The following CORO1C variants were observed in gnomAD, a reference collection of about 807,000 sequenced individuals.
CORO1C encodes coronin-1C.
In CORO1C, 14 loss-of-function variants were observed where a neutral mutation model predicts 51.2. The ratio of observed to expected loss-of-function variants is 0.27; its 90% CI spans 0.18 to 0.43. The LOEUF is 0.43. CORO1C is among the 20% of genes least tolerant of loss of function. CORO1C has a pLI of 1.00. For missense variants in CORO1C, 417 were observed against 607.8 expected, an observed-to-expected ratio of 0.69 and a Z score of 3.30; for synonymous variants, 181 against 210.5, an observed-to-expected ratio of 0.86 and a Z score of 1.21.
chr12:108,681,661 AAG>A (rs1190390076), intron 2 of CORO1C, among the ~76,000 whole-genome samples: 1 of 152,222 alleles, frequency 6.6e-6, no homozygotes, highest in African/African-American at 2.4e-5. Flanking sequence ...TGCAGACAAA[AAG>A]AGACAGAATT....
Position 108,648,838 on chromosome 12 carries a change from G to A in CORO1C, c.1072C>T (p.Gln358Ter). 6.2e-7 allele frequency: 1 copy of A among 1,614,160 alleles called. No individual in the cohort carries two copies. The highest frequency in any genetic ancestry group is 8.5e-7 in the Non-Finnish European group (1 of 1,180,030). ...GCTGTGTCAGGATACAGGTCATCTT[G>A]GAAAAGGTCAGACTACAAGAGACAT... is the stretch of plus-strand genomic sequence containing the variant. ...MTVPRKSDLF[Q>*]DDLYPDTAGP... Residue 358 changes from glutamine (Q) to a stop codon, truncating the protein, a stop_gained, in exon 10 of 11, where the codon CAA (glutamine) becomes TAA (stop). Transcript: ENST00000261401. LOFTEE classifies it high-confidence loss of function.
At chr12:108,692,645 C>A (rs1391428645) in intron 2 of CORO1C, among the ~76,000 whole-genome samples, 3 of 152,228 alleles carry the variant, frequency 2.0e-5, no homozygotes, top group Admixed American at 2.0e-4. Context: ...TGTGTCCTCA[C>A]AAGGCATGGT....
Position 108,657,338 on chromosome 12 carries a change from C to T in CORO1C, c.716G>A (p.Arg239His), listed in dbSNP as rs750447950. 6.2e-6 allele frequency: 10 copies of T among 1,613,818 alleles called. No individual in the cohort carries two copies. The highest frequency in any genetic ancestry group is 1.3e-5 in the African/African-American group (1 of 74,924). ...DGNVFTTGFS[R>H]MSERQLALWN... is the part of the protein sequence containing the mutation. ...GAGAGCCAGCTGCCGCTCGCTCATG[C>T]GGCTGAACCCAGTGGTGAAGACATT... The change falls in exon 6 of 11, where the codon CGC becomes CAC. Residue 239 changes from arginine to histidine, a missense_variant. By Grantham distance (29) the Arg-to-His change is conservative. Transcript: ENST00000261401.
intron 3 of CORO1C, 111 bp downstream of exon 3, chr12:108,678,161 A>C (rs1209917860): frequency 4.8e-5 from 42 of 876,728 alleles, no homozygotes; most frequent in Non-Finnish European, 6.7e-5. Context: ...AAACTGCTAT[A>C]ACGTTCTGCT....
intron 3 of CORO1C, among the ~76,000 whole-genome samples, chr12:108,675,826 G>A (rs568953805): frequency 2.0e-5 from 3 of 152,258 alleles, no homozygotes; most frequent in South Asian, 4.1e-4. Flanking sequence ...AACATAATGC[G>A]AACAATATAG....
chr12:108,670,218 T>G (rs769325074), intron 3 of CORO1C, among the ~76,000 whole-genome samples: 4 of 152,316 alleles, frequency 2.6e-5, no homozygotes, highest in East Asian at 3.9e-4. Context: ...ACGACCTGCA[T>G]GTGATCAGCC....
At chr12:108,663,999 A>C (rs141977748) in intron 3 of CORO1C, among the ~76,000 whole-genome samples, 56 of 152,366 alleles carry the variant, frequency 3.7e-4, no homozygotes, top group African/African-American at 1.2e-3. Flanking sequence ...ATGAACAACA[A>C]AGGTTTCAAA....
chr12:108,668,068 C>T (rs1396963090), intron 3 of CORO1C, among the ~76,000 whole-genome samples: 1 of 152,186 alleles, frequency 6.6e-6, no homozygotes, highest in Non-Finnish European at 1.5e-5. Flanking sequence ...AAGGGTTACA[C>T]CCCCAAAAGA....
chr12:108,671,612 T>A (rs1257581516), intron 3 of CORO1C, among the ~76,000 whole-genome samples: 1 of 151,176 alleles, frequency 6.6e-6, no homozygotes, highest in East Asian at 1.9e-4. Flanking sequence ...AGAAAAAAAA[T>A]CTTATGAACA....
At position 108,648,795 on chromosome 12, in the gene CORO1C, A is replaced by T; in HGVS notation, c.1115T>A (p.Leu372Gln). Reference protein sequence around the residue: ...YPDTAGPEAALEAEEWFEGKN... With the variant: ...YPDTAGPEAAQEAEEWFEGKN... ...GCCTTCGAACCACTCTTCTGCCTCC[A>T]GCGCGGCCTCTGGCCCCGCTGTGTC... The change falls in exon 10 of 11, where the codon CTG (leucine) becomes CAG (glutamine). Residue 372 changes from leucine to glutamine, a missense_variant. Coordinates refer to ENST00000261401, the MANE Select transcript of CORO1C (RefSeq NM_014325.4). 1 of 1,614,250 alleles carries T rather than the reference A, an allele frequency of 6.2e-7. No homozygotes were observed. Among genetic ancestry groups the T allele is most frequent in the Non-Finnish European group, 8.5e-7 (1 of 1,180,042 alleles).
At chr12:108,671,020 T>TA (rs545344656) in intron 3 of CORO1C, among the ~76,000 whole-genome samples, 11 of 144,986 alleles carry the variant, frequency 7.6e-5, no homozygotes, top group East Asian at 6.0e-4. Context: ...TAATAAAGTC[T>TA]AAAAAAAAAG....
chr12:108,675,179 T>C (rs1011549974), intron 3 of CORO1C, among the ~76,000 whole-genome samples: 5 of 152,154 alleles, frequency 3.3e-5, no homozygotes, highest in African/African-American at 1.2e-4. Context: ...TATTTTTAAA[T>C]GTATATATAT....
At chr12:108,713,964 A>G (rs2035256525) in intron 1 of CORO1C, among the ~76,000 whole-genome samples, 1 of 152,260 alleles carries the variant, frequency 6.6e-6, no homozygotes, top group Non-Finnish European at 1.5e-5. Flanking sequence ...ATCAAAATAC[A>G]GAAACCAGCT....
At chr12:108,729,157 G>A (rs1260152404) in intron 1 of CORO1C, among the ~76,000 whole-genome samples, 1 of 152,084 alleles carries the variant, frequency 6.6e-6, no homozygotes, top group Non-Finnish European at 1.5e-5. Context: ...TCTCATAGTC[G>A]TTAGAGTGAC....
At chr12:108,720,917 C>G (rs1592952779) in intron 1 of CORO1C, among the ~76,000 whole-genome samples, 1 of 152,160 alleles carries the variant, frequency 6.6e-6, no homozygotes, top group African/African-American at 2.4e-5. Flanking sequence ...ACAAGTGTAT[C>G]ATGCAAAGTT....
At position 108,731,219 on chromosome 12, in the gene CORO1C, C is replaced by T. The variant is rs1034206514; in HGVS notation, c.-6+210G>A. 6.5e-6 allele frequency: 1 copy of T among 153,204 alleles called. No individual in the cohort carries two copies. Among genetic ancestry groups the T allele is most frequent in the Non-Finnish European group, 1.5e-5 (1 of 68,768 alleles). 9.5% of individuals were successfully genotyped at this position (153,204 alleles called of 1,614,324 possible). The stretch of plus-strand genomic sequence containing the variant: ...TGGTTCGGTCCCCAACTCCCTTTCC[C>T]CGAGCCCCCGACAGCAGCCCCCGGC... On this transcript the variant is annotated intron_variant, in intron 1 of 10. Transcript: ENST00000261401. This position sits in a 1 kb window ranked among gnomAD's most constrained non-coding sequence, Gnocchi z 5.2.
At chr12:108,668,643 A>C (rs1204939449) in intron 3 of CORO1C, 2 of 152,228 alleles carry the variant, frequency 1.3e-5, no homozygotes, top group Non-Finnish European at 2.9e-5. Flanking sequence ...AAACTTAAAA[A>C]TTTGGACTAT....
At chr12:108,667,165 G>A (rs1465024794) in intron 3 of CORO1C, among the ~76,000 whole-genome samples, 1 of 151,640 alleles carries the variant, frequency 6.6e-6, no homozygotes, top group Non-Finnish European at 1.5e-5. Flanking sequence ...TTCTAGGTCT[G>A]AACATCAGAA....
intron 2 of CORO1C, among the ~76,000 whole-genome samples, chr12:108,688,724 C>T (rs561530587): frequency 5.4e-4 from 82 of 150,774 alleles, no homozygotes; most frequent in African/African-American, 1.9e-3. Context: ...CTGGCCAACA[C>T]GGTGAAACTT....
Sources: gnomAD v4.1 joint callset for allele counts (sites outside exome capture counted in the v4.1 genomes callset) on GRCh38, gnomAD v4.1.1 for gene constraint, Gnocchi (gnomAD v3.1) non-coding constraint, MANE v1.5 for transcripts, NCBI Gene and HGNC (gene_info 2026-07-23, HGNC 2026-07-21) for gene names.